Variants in NUDCD3 observed in about 807,000 individuals in gnomAD.
The protein encoded by NUDCD3 is NudC domain containing 3.
NUDCD3 carries 13 observed loss-of-function variants against 39.7 expected under a neutral mutation model. That is an observed-to-expected ratio of 0.33 (90% CI 0.21 to 0.52). The LOEUF (loss-of-function observed/expected upper bound fraction) is 0.52, where lower values mean the gene tolerates loss of function less well. Ranked by LOEUF, NUDCD3 falls within the 20% of genes least tolerant of loss-of-function variation. The probability of loss-of-function intolerance (pLI) is 0.96; values close to 1 mark genes in which losing one functional copy is unlikely to be tolerated. For missense variants in NUDCD3, 453 were observed against 458.1 expected, an observed-to-expected ratio of 0.99 and a Z score of 0.10; for synonymous variants, 175 against 172.4, an observed-to-expected ratio of 1.02 and a Z score of -0.12.
At chr7:44,392,603 C>G in intron 4 of NUDCD3, 118 bp from the exon 5 acceptor site, 1 of 832,490 alleles carries the variant, frequency 1.2e-6, no homozygotes. Flanking sequence ...ACCAACTACA[C>G]AAAGGGAGGT....
chr7:44,404,532 T>C lies in NUDCD3; in HGVS notation c.694A>G (p.Asn232Asp), dbSNP rs140515906. 5.0e-6 allele frequency: 8 copies of C among 1,613,834 alleles called. No individual in the cohort carries two copies. The African/African-American group carries it at 1.1e-4, about 22-fold the overall frequency. Reference protein sequence around the residue: ...SSIRVAMLEENGERVLMEGKL... With the variant: ...SSIRVAMLEEDGERVLMEGKL... ...CCTTCCATGAGGACGCGCTCCCCAT[T>C]TTCCTCCAGCATGGCCACACGAATG... The change falls in exon 4 of 6, where the codon AAT (asparagine) becomes GAT (aspartate). Residue 232 changes from asparagine (N) to aspartate (D), a missense_variant. Physicochemically the swap from Asn to Asp is conservative, Grantham distance 23 (BLOSUM62 1). Coordinates refer to ENST00000355451, the MANE Select transcript of NUDCD3 (RefSeq NM_015332.4).
At chr7:44,453,381 A>AAAT (rs1295555963) in intron 2 of NUDCD3, among the ~76,000 whole-genome samples, 3 of 151,848 alleles carry the variant, frequency 2.0e-5, no homozygotes, top group East Asian at 1.9e-4. Context: ...ATAAATAAAT[A>AAAT]AATAATAATA....
chr7:44,433,925 ATCC>A (rs370767703), intron 2 of NUDCD3, among the ~76,000 whole-genome samples: 90 of 152,190 alleles, frequency 5.9e-4, no homozygotes, highest in Non-Finnish European at 1.0e-3. Context: ...CCACAAATGA[ATCC>A]TCCTCCTCAT....
chr7:44,405,953 T>C (rs904453184), intron 3 of NUDCD3, among the ~76,000 whole-genome samples: 10 of 152,048 alleles, frequency 6.6e-5, no homozygotes. Context: ...CGTGCCACCA[T>C]GCCTGGCTAA....
intron 2 of NUDCD3, among the ~76,000 whole-genome samples, chr7:44,467,331 T>C (rs1800140148): frequency 6.6e-6 from 1 of 152,192 alleles, no homozygotes; most frequent in African/African-American, 2.4e-5. Context: ...TCATTTAACA[T>C]GGGAACGGCG....
Position 44,385,967 on chromosome 7 carries a change from G to A in NUDCD3, c.*44C>T, listed in dbSNP as rs772930664. The A allele has an allele frequency of 9.1e-6, 9 of 986,564 alleles. No homozygotes were observed. In the Admixed American group the frequency reaches 1.5e-4, roughly 17 times the overall value. The allele number at this position is 986,564 out of a possible 1,614,324, so 61.1% of individuals were successfully genotyped here. On this transcript the variant is annotated 3_prime_UTR_variant, in exon 6 of 6. Transcript: ENST00000355451. ...AGCCAAGAAGGGCAGCCGAGGATAA[G>A]GCTCTGCCTCCCCACCGGCGAGGGT...
intron 2 of NUDCD3, among the ~76,000 whole-genome samples, chr7:44,428,485 A>G (rs1025118302): frequency 1.3e-5 from 2 of 152,102 alleles, no homozygotes; most frequent in African/African-American, 4.8e-5. Flanking sequence ...CAGCTGCTAA[A>G]CTTCAATCCT....
Position 44,380,887 on chromosome 7 carries a change from C to T in NUDCD3, c.*5124G>A, listed in dbSNP as rs987492360. 2.2e-4 allele frequency: 33 copies of T among 152,360 alleles called. No homozygotes were observed. Among genetic ancestry groups the T allele is most frequent in the African/African-American group, 6.3e-4 (26 of 41,468 alleles). 9.4% of individuals were successfully genotyped at this position (152,360 alleles called of 1,614,324 possible). A position where few individuals can be genotyped will look rare whatever the true frequency, so the allele number is the denominator to read the frequency against. Reference sequence around the variant, plus strand: ...CTTCCTGTCCTCTGGTAGACCCTTACCTGCCTGTGTCTTGCACAAAGTGCA... The same window carrying T: ...CTTCCTGTCCTCTGGTAGACCCTTATCTGCCTGTGTCTTGCACAAAGTGCA... On this transcript the variant is annotated 3_prime_UTR_variant, in exon 6 of 6. Transcript: ENST00000355451.
In NUDCD3 at chr7:44,392,392, T is replaced by C. The variant is rs1011981796; in HGVS notation, c.880A>G (p.Met294Val). The change falls in exon 5 of 6, where the codon ATG becomes GTG. Residue 294 changes from methionine (M) to valine (V), a missense_variant. Met to Val is a conservative substitution (Grantham distance 21). Transcript: ENST00000355451. ...DIDKINKERS[M>V]ATVDEEEQAV... The stretch of plus-strand genomic sequence containing the variant: ...TGTTCCTCCTCATCCACGGTGGCCA[T>C]GGAGCGCTCCTTGTTGATCTTGTCA... 3 of 1,614,186 alleles carry C rather than the reference T, an allele frequency of 1.9e-6. No individual in the cohort carries two copies. The highest frequency in any genetic ancestry group is 2.5e-6 in the Non-Finnish European group (3 of 1,180,020).
At chr7:44,452,106 G>A (rs1256540778) in intron 2 of NUDCD3, among the ~76,000 whole-genome samples, 1 of 152,208 alleles carries the variant, frequency 6.6e-6, no homozygotes, top group Non-Finnish European at 1.5e-5. Context: ...CCAGGAGGGA[G>A]ACAGCCCATC....
At position 44,384,574 on chromosome 7, in the gene NUDCD3, C is replaced by G. The variant is rs1449580438; in HGVS notation, c.*1437G>C. 1 of 152,298 alleles carries G rather than the reference C, an allele frequency of 6.6e-6. No homozygotes were observed. Among genetic ancestry groups the G allele is most frequent in the Non-Finnish European group, 1.5e-5 (1 of 68,098 alleles). The allele number at this position is 152,298 out of a possible 1,614,324, so 9.4% of individuals were successfully genotyped here. ...CTGTAAACCAGAAACAAACCACAAACTTACTCTCCAAGAGAGCCCCCACAA... is the reference window on the plus strand; with the variant it reads ...CTGTAAACCAGAAACAAACCACAAAGTTACTCTCCAAGAGAGCCCCCACAA... On this transcript the variant is annotated 3_prime_UTR_variant, in exon 6 of 6. Coordinates refer to ENST00000355451, the MANE Select transcript of NUDCD3 (RefSeq NM_015332.4).
intron 2 of NUDCD3, among the ~76,000 whole-genome samples, chr7:44,464,654 A>G (rs1438669941): frequency 6.6e-6 from 1 of 152,094 alleles, no homozygotes; most frequent in Non-Finnish European, 1.5e-5. Flanking sequence ...GGGTTTCACC[A>G]CATTGGCCAG....
intron 2 of NUDCD3, among the ~76,000 whole-genome samples, chr7:44,484,272 A>G (rs1291911985): frequency 6.6e-6 from 1 of 152,238 alleles, no homozygotes; most frequent in Admixed American, 6.5e-5. Flanking sequence ...GAAGGACTGT[A>G]TAACTAAGTT....
intron 2 of NUDCD3, among the ~76,000 whole-genome samples, chr7:44,457,348 AT>A (rs1352316428): frequency 6.6e-6 from 1 of 152,268 alleles, no homozygotes; most frequent in Non-Finnish European, 1.5e-5. Flanking sequence ...AATAAATAGT[AT>A]CCAGATGAGA....
chr7:44,452,741 T>A (rs1003583987), intron 2 of NUDCD3, among the ~76,000 whole-genome samples: 3 of 152,244 alleles, frequency 2.0e-5, no homozygotes, highest in Non-Finnish European at 4.4e-5. Flanking sequence ...AGTGAGGGAC[T>A]GGCCTCGCCA....
chr7:44,424,412 T>C (rs940387063), intron 3 of NUDCD3, among the ~76,000 whole-genome samples: 6 of 151,292 alleles, frequency 4.0e-5, no homozygotes, highest in African/African-American at 1.5e-4. Context: ...AGGTCTAATA[T>C]CCAGAATCTA....
chr7:44,454,553 T>G (rs1474509798), intron 2 of NUDCD3, among the ~76,000 whole-genome samples: 1 of 152,220 alleles, frequency 6.6e-6, no homozygotes, highest in East Asian at 1.9e-4. Flanking sequence ...GCCAGCTGCC[T>G]CTGTGACCTG....
At chr7:44,448,720 T>C (rs995282836) in intron 2 of NUDCD3, among the ~76,000 whole-genome samples, 2 of 152,014 alleles carry the variant, frequency 1.3e-5, no homozygotes, top group African/African-American at 4.8e-5. Context: ...AGGCAGGAAG[T>C]TGGACATGGA....
chr7:44,433,318 T>C (rs1401510025), intron 2 of NUDCD3, among the ~76,000 whole-genome samples: 1 of 152,092 alleles, frequency 6.6e-6, no homozygotes, highest in East Asian at 1.9e-4. Flanking sequence ...CACTGTGTGG[T>C]AAAAGTATGT....
Sources: allele counts gnomAD v4.1 joint callset (sites outside exome capture counted in the v4.1 genomes callset), GRCh38; gene constraint gnomAD v4.1.1; transcripts MANE v1.5; gene names NCBI Gene and HGNC (gene_info 2026-07-23, HGNC 2026-07-21).